Variants in TTC6 observed in about 807,000 individuals in gnomAD.
The protein encoded by TTC6 is tetratricopeptide repeat domain 6.
In TTC6, 172 loss-of-function variants were observed where a neutral mutation model predicts 210.4. The ratio of observed to expected loss-of-function variants is 0.82; its 90% CI spans 0.72 to 0.93. The LOEUF (loss-of-function observed/expected upper bound fraction) is 0.93, where lower values mean the gene tolerates loss of function less well. Among genes scored for constraint, TTC6 ranks in the 40% least tolerant of loss-of-function variants. The pLI is 0.00. For synonymous variants in TTC6, 804 were observed against 819.6 expected, an observed-to-expected ratio of 0.98 and a Z score of 0.32; for missense variants, 2,414 against 2,318.1, an observed-to-expected ratio of 1.04 and a Z score of -0.85.
At chr14:37,655,061 G>C (rs1035597029) in intron 1 of TTC6, among the ~76,000 whole-genome samples, 2 of 152,144 alleles carry the variant, frequency 1.3e-5, no homozygotes, top group African/African-American at 2.4e-5. Flanking sequence ...GCTGCTCTTC[G>C]CATGTGCATT....
intron 1 of TTC6, among the ~76,000 whole-genome samples, chr14:37,631,283 G>A (rs1322446084): frequency 6.6e-6 from 1 of 152,068 alleles, no homozygotes; most frequent in African/African-American, 2.4e-5. Context: ...GCTTCCTTCA[G>A]GAGCTCTAGT....
chr14:37,748,546 T>C (rs981698935), intron 10 of TTC6, among the ~76,000 whole-genome samples: 3 of 152,134 alleles, frequency 2.0e-5, no homozygotes, highest in Non-Finnish European at 4.4e-5. Flanking sequence ...TCCTGCCTTC[T>C]TCCCACTGCC....
chr14:37,831,311 TTATC>T (rs1566979853), intron 29 of TTC6, among the ~76,000 whole-genome samples: 2 of 152,188 alleles, frequency 1.3e-5, no homozygotes, highest in African/African-American at 4.8e-5. Context: ...CACATTTTCT[TTATC>T]TATTCACCTG....
At chr14:37,772,757 C>G (rs1170988066) in intron 14 of TTC6, among the ~76,000 whole-genome samples, 1 of 152,154 alleles carries the variant, frequency 6.6e-6, no homozygotes, top group African/African-American at 2.4e-5. Flanking sequence ...GCAGATATCA[C>G]CCGTCTTCTG....
At chr14:37,686,450 A>G (rs2095793923) in intron 3 of TTC6, among the ~76,000 whole-genome samples, 1 of 152,220 alleles carries the variant, frequency 6.6e-6, no homozygotes, top group Non-Finnish European at 1.5e-5. Flanking sequence ...CAAAGGATGC[A>G]CAACTAGTAC....
intron 1 of TTC6, among the ~76,000 whole-genome samples, chr14:37,671,306 A>G (rs2095757693): frequency 6.6e-6 from 1 of 151,760 alleles, no homozygotes; most frequent in South Asian, 2.1e-4. Flanking sequence ...AACTTGCCAT[A>G]TTTTTTTTGA....
chr14:37,689,115 A>G (rs1595107859), intron 3 of TTC6, among the ~76,000 whole-genome samples: 1 of 150,596 alleles, frequency 6.6e-6, no homozygotes, highest in East Asian at 1.9e-4. Context: ...TAACAAAGAA[A>G]TTGAAATAAT....
In TTC6 at chr14:37,796,774, C is replaced by T. The variant is rs1471943427; in HGVS notation, c.3869-13C>T. ...CTTGGCAAAGATATTGATAAACTTT[C>T]CTTCCCTTTTAGGTCTCAGTGAGTT... is the stretch of plus-strand genomic sequence containing the variant. On this transcript the variant is annotated splice_polypyrimidine_tract_variant and intron_variant, in intron 19 of 30. Coordinates refer to ENST00000553443, the Ensembl canonical transcript of TTC6. 6.3e-7 allele frequency: 1 copy of T among 1,588,868 alleles called. No homozygotes were observed. The highest frequency in any genetic ancestry group is 2.3e-5 in the East Asian group (1 of 44,060).
At chr14:37,825,763 A>G (rs1456904922) in intron 27 of TTC6, among the ~76,000 whole-genome samples, 1 of 152,122 alleles carries the variant, frequency 6.6e-6, no homozygotes, top group Non-Finnish European at 1.5e-5. Context: ...TTATTATTCA[A>G]TACATATTTA....
intron 3 of TTC6, among the ~76,000 whole-genome samples, chr14:37,690,107 CTG>C (rs1363440769): frequency 2.0e-5 from 3 of 151,678 alleles, no homozygotes; most frequent in African/African-American, 7.3e-5. Context: ...TTTTTCTTTT[CTG>C]CTTGCTTGTT....
At chr14:37,654,509 C>G (rs746942795) in intron 1 of TTC6, among the ~76,000 whole-genome samples, 1 of 152,108 alleles carries the variant, frequency 6.6e-6, no homozygotes, top group Non-Finnish European at 1.5e-5. Flanking sequence ...GAAGCCTCCC[C>G]AGAAGCAGAT....
intron 15 of TTC6, among the ~76,000 whole-genome samples, chr14:37,788,969 A>G (rs2096073575): frequency 1.3e-5 from 2 of 151,946 alleles, no homozygotes; most frequent in African/African-American, 4.8e-5. Context: ...TGGGCTTCTC[A>G]TGCCCTCCTC....
chr14:37,677,895 A>T (rs1038366935), intron 1 of TTC6, among the ~76,000 whole-genome samples: 1 of 151,924 alleles, frequency 6.6e-6, no homozygotes, highest in Non-Finnish European at 1.5e-5. Flanking sequence ...TGTTTCTTAC[A>T]TTTGCTCCTC....
chr14:37,711,625 G>A (rs1012168460), intron 5 of TTC6, among the ~76,000 whole-genome samples: 1 of 152,076 alleles, frequency 6.6e-6, no homozygotes, highest in Admixed American at 6.6e-5. Context: ...AGCAGAGTTG[G>A]CAAAGCAGAT....
chr14:37,806,354 C>G lies in TTC6; in HGVS notation c.4165-7C>G, dbSNP rs1266788051. 6.5e-7 allele frequency: 1 copy of G among 1,534,204 alleles called. No homozygotes were observed. The highest frequency in any genetic ancestry group is 2.5e-5 in the East Asian group (1 of 40,800). On this transcript the variant is annotated splice_polypyrimidine_tract_variant and splice_region_variant and intron_variant, in intron 21 of 30. Transcript: ENST00000553443. ...ATGGTTTGCATTTTGACAATATGCT[C>G]CTGTAGGCTTTTGATTCTTTTACAA... is the stretch of plus-strand genomic sequence containing the variant.
intron 29 of TTC6, among the ~76,000 whole-genome samples, chr14:37,835,543 G>A (rs1214834322): frequency 6.6e-6 from 1 of 152,030 alleles, no homozygotes; most frequent in African/African-American, 2.4e-5. Flanking sequence ...GAAGGCAGAG[G>A]GTTTGGGCAC....
chr14:37,802,554 C>T (rs572492039), intron 20 of TTC6, among the ~76,000 whole-genome samples: 5 of 152,084 alleles, frequency 3.3e-5, no homozygotes, highest in Non-Finnish European at 5.9e-5. Flanking sequence ...TTGTAGGACC[C>T]GGAGCAGAGG....
chr14:37,610,544 T>TA (rs973973646), intron 2 of TTC6, among the ~76,000 whole-genome samples: 1 of 152,126 alleles, frequency 6.6e-6, no homozygotes, highest in Non-Finnish European at 1.5e-5. Flanking sequence ...TTTGAGCTTT[T>TA]AAAAAATGGT....
At chr14:37,670,658 A>G (rs1383669168) in intron 1 of TTC6, among the ~76,000 whole-genome samples, 2 of 151,594 alleles carry the variant, frequency 1.3e-5, no homozygotes, top group Non-Finnish European at 2.9e-5. Flanking sequence ...TTTAGTAGAG[A>G]TGGGGTTTCA....
Sources: allele counts gnomAD v4.1 joint callset (sites outside exome capture counted in the v4.1 genomes callset), GRCh38; gene constraint gnomAD v4.1.1; transcripts MANE v1.5; gene names NCBI Gene and HGNC (gene_info 2026-07-23, HGNC 2026-07-21).